The following ANKAR variants were observed in gnomAD, a reference collection of about 807,000 sequenced individuals.
ANKAR encodes ankyrin and armadillo repeat-containing protein.
Under a neutral mutation model 146.2 loss-of-function variants are expected in ANKAR, and 136 were observed. The ratio of observed to expected loss-of-function variants is 0.93; its 90% CI spans 0.81 to 1.07. The LOEUF (loss-of-function observed/expected upper bound fraction) is 1.07, where lower values mean the gene tolerates loss of function less well. Ranked by LOEUF, ANKAR falls within the 50% of genes least tolerant of loss-of-function variation. The pLI is 0.00. For missense variants in ANKAR, 1,567 were observed against 1,679.9 expected (o/e 0.93, Z 1.18); for synonymous variants, 500 against 575.8 (o/e 0.87, Z 1.88).
At chr2:189,699,137 AG>A (rs2037694392) in intron 7 of ANKAR, among the ~76,000 whole-genome samples, 1 of 152,146 alleles carries the variant, frequency 6.6e-6, no homozygotes, top group African/African-American at 2.4e-5. Flanking sequence ...ATTTTTCTTG[AG>A]GGGTGTACAT....
In ANKAR at chr2:189,742,865, G is replaced by GACACACAC. The variant is rs58780931; in HGVS notation, c.3811-389_3811-382dup. Among the ~76,000 whole-genome samples the GACACACAC allele has an allele frequency of 6.5e-3, 280 of 43,022 alleles. 5 individuals are homozygous for GACACACAC. The highest frequency in any genetic ancestry group is 0.015 in the South Asian group (8 of 546). The allele number at this position is 43,022 out of a possible 152,430, so 28.2% of individuals were successfully genotyped here. ...ACACACACACACATTAGAATTACCT[G>GACACACAC]ACACACACACACACACACACACACA... On this transcript the variant is annotated intron_variant, in intron 20 of 22. Coordinates refer to ENST00000684021, the MANE Select transcript of ANKAR (RefSeq NM_001378068.1).
chr2:189,739,892 T>C (rs1233631167), intron 19 of ANKAR, among the ~76,000 whole-genome samples: 1 of 152,136 alleles, frequency 6.6e-6, no homozygotes, highest in African/African-American at 2.4e-5. Flanking sequence ...AGAAATGCCA[T>C]ATTACATTGG....
At chr2:189,708,667 C>T (rs538587659) in intron 9 of ANKAR, among the ~76,000 whole-genome samples, 1 of 152,138 alleles carries the variant, frequency 6.6e-6, no homozygotes, top group African/African-American at 2.4e-5. Flanking sequence ...TTTACAAATG[C>T]ATTTTCAATT....
chr2:189,735,601 A>G (rs1292085247), intron 17 of ANKAR, among the ~76,000 whole-genome samples: 8 of 152,240 alleles, frequency 5.3e-5, no homozygotes, highest in African/African-American at 1.9e-4. Flanking sequence ...ATGAATAGCT[A>G]TCTTATGGAT....
At chr2:189,747,490 T>C (rs1468583120), downstream of ANKAR, among the ~76,000 whole-genome samples, 1 of 152,188 alleles carries the variant, frequency 6.6e-6, no homozygotes, top group Admixed American at 6.5e-5. Flanking sequence ...TACATGAGTA[T>C]GGCTTTTGTG....
chr2:189,743,513 C>G, intron 21 of ANKAR, 39 bp downstream of exon 21: 1 of 1,553,804 alleles, frequency 6.4e-7, no homozygotes. Flanking sequence ...GTGAAATCAT[C>G]GATAGAGGAG....
intron 7 of ANKAR, among the ~76,000 whole-genome samples, chr2:189,701,261 G>C (rs1209865213): frequency 6.6e-6 from 1 of 151,768 alleles, no homozygotes; most frequent in Non-Finnish European, 1.5e-5. Flanking sequence ...TTTTGAGACA[G>C]GGTATTTATT....
At chr2:189,708,230 C>A (rs2039228852) in intron 9 of ANKAR, among the ~76,000 whole-genome samples, 1 of 152,166 alleles carries the variant, frequency 6.6e-6, no homozygotes, top group African/African-American at 2.4e-5. Context: ...GTTTATCTTT[C>A]TGTGGTTTTG....
At chr2:189,731,039 C>T (rs759664871) in intron 16 of ANKAR, among the ~76,000 whole-genome samples, 2 of 152,166 alleles carry the variant, frequency 1.3e-5, no homozygotes, top group African/African-American at 4.8e-5. Context: ...CACTTCAGAC[C>T]AGCCCTGCCT....
Position 189,727,823 on chromosome 2 carries a change from GTTTATTTAACTTGTTC to G in ANKAR, c.2636-30_2636-15del. On this transcript the variant is annotated splice_polypyrimidine_tract_variant and intron_variant, in intron 12 of 22. Transcript: ENST00000684021. ...CTTTGATATTCTTATTTTTCATAAGGTTTATTTAACTTGTTCTTAAATTCATTTGAAGATGTGTTGA... is the reference window on the plus strand; with the variant it reads ...CTTTGATATTCTTATTTTTCATAAGGTTAAATTCATTTGAAGATGTGTTGA... The G allele has an allele frequency of 6.2e-7, 1 of 1,601,214 alleles. No individual in the cohort carries two copies. The highest frequency in any genetic ancestry group is 8.5e-7 in the Non-Finnish European group (1 of 1,171,466).
At chr2:189,707,234 A>G (rs1574508773) in intron 9 of ANKAR, 88 bp downstream of exon 9, 1 of 586,214 alleles carries the variant, frequency 1.7e-6, no homozygotes. Flanking sequence ...AAAATAATAC[A>G]TGCATTATAT....
chr2:189,752,671 C>A (rs952445538), intron 18 of ANKAR: 1 of 1,613,714 alleles, frequency 6.2e-7, no homozygotes. Context: ...ATAGCGGATG[C>A]CTTCTATGTC....
chr2:189,692,179 G>A, intron 3 of ANKAR, 76 bp from the exon 4 acceptor site: 1 of 1,251,686 alleles, frequency 8.0e-7, no homozygotes. Flanking sequence ...TTACATGAAT[G>A]AGAAGCTAGA....
chr2:189,732,951 T>G lies in ANKAR; in HGVS notation c.3301-156T>G, dbSNP rs140890424. ...AATTATGAGGGAGTTGTAAGTGCAG[T>G]TCTTTCGCTAGTAAGATAACTGGAA... is the stretch of plus-strand genomic sequence containing the variant. On this transcript the variant is annotated intron_variant, in intron 16 of 22. Coordinates refer to ENST00000684021, the MANE Select transcript of ANKAR (RefSeq NM_001378068.1). 3.9e-5 allele frequency among the ~76,000 whole-genome samples: 6 copies of G among 152,330 alleles called. No individual in the cohort carries two copies. The East Asian group carries it at 1.2e-3, about 29-fold the overall frequency.
chr2:189,727,785 ATGATATGC>A lies in ANKAR; in HGVS notation c.2636-68_2636-61del, dbSNP rs2042036051. On this transcript the variant is annotated intron_variant, in intron 12 of 22. Transcript: ENST00000684021. ...TTTGATTTTATAATATGGGAAACTAATGATATGCTGCACTTTGATATTCTTATTTTTCA... is the reference window on the plus strand; with the variant it reads ...TTTGATTTTATAATATGGGAAACTAATGCACTTTGATATTCTTATTTTTCA... 4 of 1,511,192 alleles carry A rather than the reference ATGATATGC, an allele frequency of 2.6e-6. No individual in the cohort carries two copies. The African/African-American group carries it at 4.2e-5, about 16-fold the overall frequency. 93.6% of individuals were successfully genotyped at this position (1,511,192 alleles called of 1,614,324 possible). A position where few individuals can be genotyped will look rare whatever the true frequency, so the allele number is the denominator to read the frequency against.
In ANKAR at chr2:189,676,446, T is replaced by C. The variant is rs942583633; in HGVS notation, c.-35-10T>C. ...TTTATTGATAATCTTTTCCTTCTTA[T>C]TCATTGCAGAAGCTTCAAAAAGGAC... On this transcript the variant is annotated splice_polypyrimidine_tract_variant and intron_variant, in intron 1 of 22. Transcript: ENST00000684021. 38 of 1,482,742 alleles carry C rather than the reference T, an allele frequency of 2.6e-5. No homozygotes were observed. In the Admixed American group the frequency reaches 8.6e-4, roughly 33 times the overall value. The allele number at this position is 1,482,742 out of a possible 1,614,324, so 91.8% of individuals were successfully genotyped here.
At position 189,728,270 on chromosome 2, in the gene ANKAR, T is replaced by C; in HGVS notation, c.2881T>C (p.Phe961Leu). ...AATGAAATATTTTTAAAAATAGGCA[T>C]TTCAAATAGATGTTAAGGAACAAGG... The part of the protein sequence containing the change: ...TKYLLKLLKA[F>L]QIDVKEQGAV... The change falls in exon 14 of 23, where the codon TTT (phenylalanine) becomes CTT (leucine). Residue 961 changes from phenylalanine to leucine, a missense_variant. Physicochemically the swap from Phe to Leu is conservative, Grantham distance 22. Transcript: ENST00000684021. 1 of 1,590,520 alleles carries C rather than the reference T, an allele frequency of 6.3e-7. No homozygotes were observed.
chr2:189,737,733 T>A lies in ANKAR; in HGVS notation c.3474T>A (p.Asn1158Lys). 6.3e-7 allele frequency: 1 copy of A among 1,599,416 alleles called. No homozygotes were observed. Among genetic ancestry groups the A allele is most frequent in the Non-Finnish European group, 8.5e-7 (1 of 1,176,548 alleles). Residue 1158 changes from asparagine (N) to lysine (K), a missense_variant, in exon 18 of 23, where the codon AAT (asparagine) becomes AAA (lysine). By Grantham distance (94) the Asn-to-Lys change is moderately conservative. Transcript: ENST00000684021. ...CATTAACACTTTTTGCCTTCAATAA[T>A]CGCTTTCAACAATACTTAATATTGG... ...GYALTLFAFN[N>K]RFQQYLILES... is the part of the protein sequence containing the mutation.
At chr2:189,736,758 T>C (rs1457754558) in intron 17 of ANKAR, among the ~76,000 whole-genome samples, 2 of 151,936 alleles carry the variant, frequency 1.3e-5, no homozygotes, top group Admixed American at 1.3e-4. Flanking sequence ...AGCATTTTAA[T>C]ATTATGATTA....
Sources: gnomAD v4.1 joint callset for allele counts (sites outside exome capture counted in the v4.1 genomes callset) on GRCh38, gnomAD v4.1.1 for gene constraint, MANE v1.5 for transcripts, NCBI Gene and HGNC (gene_info 2026-07-23, HGNC 2026-07-21) for gene names.